The following HVCN1 variants were observed in gnomAD, a reference collection of about 807,000 sequenced individuals.
HVCN1 encodes voltage-gated hydrogen channel 1.
In HVCN1, 14 loss-of-function variants were observed where a neutral mutation model predicts 29.2. That is an observed-to-expected ratio of 0.48 (90% CI 0.32 to 0.75). The LOEUF (loss-of-function observed/expected upper bound fraction) is 0.75, where lower values mean the gene tolerates loss of function less well. HVCN1 is among the 30% of genes least tolerant of loss of function. The probability of loss-of-function intolerance (pLI) is 0.04; values close to 1 mark genes in which losing one functional copy is unlikely to be tolerated. For synonymous variants in HVCN1, 131 were observed against 133.2 expected, an observed-to-expected ratio of 0.98 and a Z score of 0.11; for missense variants, 263 against 341.8, an observed-to-expected ratio of 0.77 and a Z score of 1.82.
At chr12:110,680,218 C>T (rs937690394) in intron 3 of HVCN1, among the ~76,000 whole-genome samples, 3 of 152,174 alleles carry the variant, frequency 2.0e-5, no homozygotes, top group Non-Finnish European at 2.9e-5. Context: ...CCTGACAACA[C>T]CCTCTCAGGC....
Position 110,687,263 on chromosome 12 carries a change from C to A in HVCN1, c.-20+1362G>T, listed in dbSNP as rs191156358. Among the ~76,000 whole-genome samples, 12 of 149,922 alleles carry A rather than the reference C, an allele frequency of 8.0e-5. 1 individual carries two copies. Among genetic ancestry groups the A allele is most frequent in the Admixed American group, 2.6e-4 (4 of 15,114 alleles). ...AATATACAAGACAGACCACACCCCCCCCCCCCAGCTAAGCACTGGGAAGCC... is the reference window on the plus strand; with the variant it reads ...AATATACAAGACAGACCACACCCCCACCCCCCAGCTAAGCACTGGGAAGCC... On this transcript the variant is annotated intron_variant, in intron 2 of 7. Coordinates refer to ENST00000242607, the MANE Select transcript of HVCN1 (RefSeq NM_032369.4).
At chr12:110,686,867 A>G (rs1175386095) in intron 2 of HVCN1, among the ~76,000 whole-genome samples, 1 of 152,158 alleles carries the variant, frequency 6.6e-6, no homozygotes, top group Non-Finnish European at 1.5e-5. Context: ...AAGCCATTTG[A>G]TAGCCAAAAA....
At chr12:110,652,790 A>G (rs2067857023) in intron 5 of HVCN1, among the ~76,000 whole-genome samples, 1 of 152,198 alleles carries the variant, frequency 6.6e-6, no homozygotes. Flanking sequence ...GACTCAGGCA[A>G]GTTTCACCAA....
rs1347737778 is a variant in HVCN1 at position 110,651,428 on chromosome 12, G to A, written c.432C>T (p.Ile144=). ...CCATCATAAAAAAGACCAAGATGGTGATGCTCATGTAGTGGAATACCTGAA... is the reference window on the plus strand; with the variant it reads ...CCATCATAAAAAAGACCAAGATGGTAATGCTCATGTAGTGGAATACCTGAA... ...YAAMVFHYMS[I]TILVFFMMEI... is the part of the protein sequence containing the mutation. The change falls in exon 6 of 8, where the codon ATC becomes ATT. Residue 144 remains isoleucine (I), a synonymous_variant. Transcript: ENST00000242607. 6.2e-7 allele frequency: 1 copy of A among 1,612,856 alleles called. No homozygotes were observed. The highest frequency in any genetic ancestry group is 1.3e-5 in the African/African-American group (1 of 74,898).
At chr12:110,671,187 C>CGTG (rs2068562627) in intron 3 of HVCN1, among the ~76,000 whole-genome samples, 1 of 152,008 alleles carries the variant, frequency 6.6e-6, no homozygotes, top group South Asian at 2.1e-4. Context: ...ATTAGCCGGG[C>CGTG]GTGGTGGTGG....
At chr12:110,689,168 GCCCCGCCCCCGCCCGGGCCGC>G (rs901607420), upstream of HVCN1, 18 of 148,318 alleles carry the variant, frequency 1.2e-4, no homozygotes, top group Non-Finnish European at 1.1e-4. This position sits in a 1 kb window ranked among gnomAD's most constrained non-coding sequence, Gnocchi z 5.7. Flanking sequence ...ACCGTACCAG[GCCCCGCCCCCGCCCGGGCCGC>G]CCCCGCCCCC....
Position 110,671,724 on chromosome 12 carries a change from A to G in HVCN1, c.22-10276T>C, listed in dbSNP as rs191867900. 5.3e-5 allele frequency among the ~76,000 whole-genome samples: 8 copies of G among 152,178 alleles called. No homozygotes were observed. In the East Asian group the frequency reaches 1.4e-3, roughly 26 times the overall value. ...AAAGCCGACTTCTTCAGGGCCCAAA[A>G]CCACTTGGAGAAAGCCCGATTCTGC... is the stretch of plus-strand genomic sequence containing the variant. On this transcript the variant is annotated intron_variant, in intron 3 of 7. Coordinates refer to ENST00000242607, the MANE Select transcript of HVCN1 (RefSeq NM_032369.4).
At chr12:110,657,960 G>A (rs915197696) in intron 4 of HVCN1, among the ~76,000 whole-genome samples, 6 of 152,206 alleles carry the variant, frequency 3.9e-5, no homozygotes, top group African/African-American at 1.2e-4. Context: ...AAGCTTCAGC[G>A]TCCTCTCGGG....
At chr12:110,685,814 C>T (rs376932200) in intron 2 of HVCN1, among the ~76,000 whole-genome samples, 2 of 152,046 alleles carry the variant, frequency 1.3e-5, no homozygotes, top group South Asian at 2.1e-4. Flanking sequence ...CTCAACCTCC[C>T]GAGTAGCTGG....
chr12:110,674,605 A>G (rs779692945), intron 3 of HVCN1, among the ~76,000 whole-genome samples: 1 of 152,174 alleles, frequency 6.6e-6, no homozygotes, highest in African/African-American at 2.4e-5. Context: ...ATGGGGGCCA[A>G]TCTTTCTCAT....
chr12:110,693,161 G>A (rs2136501056), upstream of HVCN1, among the ~76,000 whole-genome samples: 1 of 151,994 alleles, frequency 6.6e-6, no homozygotes, highest in South Asian at 2.1e-4. Flanking sequence ...TTTAAATTGG[G>A]ATAATAGACA....
At chr12:110,678,090 C>T (rs1229965918) in intron 3 of HVCN1, among the ~76,000 whole-genome samples, 2 of 152,220 alleles carry the variant, frequency 1.3e-5, no homozygotes, top group Non-Finnish European at 2.9e-5. Context: ...GCCCATGAGG[C>T]GGGGACTGCA....
intron 3 of HVCN1, 66 bp downstream of exon 3, chr12:110,683,158 AC>A: frequency 6.2e-7 from 1 of 1,606,534 alleles, no homozygotes; most frequent in Non-Finnish European, 8.5e-7. Context: ...TGTTTGAAAC[AC>A]CAAACAGAAT....
chr12:110,656,646 C>G (rs1203216725), intron 4 of HVCN1, among the ~76,000 whole-genome samples: 1 of 152,182 alleles, frequency 6.6e-6, no homozygotes, highest in African/African-American at 2.4e-5. Flanking sequence ...GAAAATTAAC[C>G]TGCCATTATC....
At chr12:110,691,063 GCTTT>G (rs1255530656), upstream of HVCN1, among the ~76,000 whole-genome samples, 4 of 149,270 alleles carry the variant, frequency 2.7e-5, no homozygotes, top group Non-Finnish European at 4.5e-5. Context: ...ACTGCAGCAG[GCTTT>G]CTTTTTTCTT....
intron 3 of HVCN1, among the ~76,000 whole-genome samples, chr12:110,672,609 A>G (rs2068619738): frequency 6.6e-6 from 1 of 152,074 alleles, no homozygotes; most frequent in Non-Finnish European, 1.5e-5. Context: ...GCTGATACCA[A>G]ACCTATTAGA....
chr12:110,695,281 TAC>T lies in HVCN1; in HGVS notation c.-103-6575_-103-6574del, dbSNP rs760184973. On this transcript the variant is annotated intron_variant, in intron 2 of 4. Coordinates refer to the HVCN1 transcript ENST00000546713. ...GTATATACACACACACACATATATA[TAC>T]ACACACACACACTTATATATAAACA... 7.8e-3 allele frequency among the ~76,000 whole-genome samples: 1,176 copies of T among 151,696 alleles called. 2 individuals carry two copies. Among genetic ancestry groups the T allele is most frequent in the Admixed American group, 1.0e-2 (152 of 15,208 alleles).
intron 3 of HVCN1, among the ~76,000 whole-genome samples, chr12:110,662,260 G>T (rs974097493): frequency 3.3e-5 from 5 of 151,980 alleles, no homozygotes; most frequent in Non-Finnish European, 7.4e-5. Flanking sequence ...TCCCCACCTT[G>T]CCCCCCACAC....
At chr12:110,698,285 C>A (rs1456892406) in intron 2 of HVCN1, among the ~76,000 whole-genome samples, 1 of 152,206 alleles carries the variant, frequency 6.6e-6, no homozygotes, top group Non-Finnish European at 1.5e-5. Flanking sequence ...CAGGCGTGAG[C>A]CTCTATGCCC....
Sources: gnomAD v4.1 joint callset for allele counts (sites outside exome capture counted in the v4.1 genomes callset) on GRCh38, gnomAD v4.1.1 for gene constraint, Gnocchi (gnomAD v3.1) non-coding constraint, MANE v1.5 for transcripts, NCBI Gene and HGNC (gene_info 2026-07-23, HGNC 2026-07-21) for gene names.